Variants in CCDC13 observed in about 807,000 individuals in gnomAD.
CCDC13 encodes coiled-coil domain containing 13, also known as coiled-coil domain-containing protein 13.
Under a neutral mutation model 87.3 loss-of-function variants are expected in CCDC13, and 70 were observed. That is an observed-to-expected ratio of 0.80 (90% CI 0.66 to 0.98). The LOEUF (loss-of-function observed/expected upper bound fraction) is 0.98, where lower values mean the gene tolerates loss of function less well. Ranked by LOEUF, CCDC13 falls within the 50% of genes least tolerant of loss-of-function variation. CCDC13 has a pLI of 0.00. For synonymous variants in CCDC13, 317 were observed against 360.3 expected (o/e 0.88, Z 1.36); for missense variants, 842 against 892.0 (o/e 0.94, Z 0.71).
rs781373359 is a variant in CCDC13, at chr3:42,757,116, T to C, written c.320A>G (p.Glu107Gly). The C allele has an allele frequency of 1.9e-6, 3 of 1,614,118 alleles. No homozygotes were observed. The highest frequency in any genetic ancestry group is 1.3e-5 in the African/African-American group (1 of 74,946). ...TATTTTCTTTTTGAGGTGTTTGATTTCAAAGTCCCTTTCCTTCAGCAGCTT... is the reference window on the plus strand; with the variant it reads ...TATTTTCTTTTTGAGGTGTTTGATTCCAAAGTCCCTTTCCTTCAGCAGCTT... ...LYKLLKERDF[E>G]IKHLKKKIEE... is the part of the protein sequence containing the mutation. The change falls in exon 3 of 16, where the codon GAA becomes GGA. Residue 107 changes from glutamate (E) to glycine (G), a missense_variant. Glu to Gly is a moderately conservative substitution (Grantham distance 98). Transcript: ENST00000310232.
At chr3:42,711,246 C>CAAAACAAAAAA (rs1698304039) in intron 14 of CCDC13, among the ~76,000 whole-genome samples, 1 of 75,324 alleles carries the variant, frequency 1.3e-5, no homozygotes, top group African/African-American at 5.6e-5. Flanking sequence ...ACTCTGTCTC[C>CAAAACAAAAAA]AAAAAAAAAA....
At chr3:42,756,172 T>G (rs1213104295) in intron 3 of CCDC13, among the ~76,000 whole-genome samples, 1 of 152,260 alleles carries the variant, frequency 6.6e-6, no homozygotes, top group Non-Finnish European at 1.5e-5. Context: ...TGGTAGATGC[T>G]GAGTCAGCCC....
chr3:42,764,569 ATGT>A (rs1272683544), intron 1 of CCDC13, among the ~76,000 whole-genome samples: 1 of 152,152 alleles, frequency 6.6e-6, no homozygotes, highest in African/African-American at 2.4e-5. Context: ...CTGCACATAA[ATGT>A]TGTTCTTTCT....
Position 42,739,699 on chromosome 3 carries a change from T to C in CCDC13, c.1099A>G (p.Lys367Glu), listed in dbSNP as rs1428089668. 1 of 1,614,216 alleles carries C rather than the reference T, an allele frequency of 6.2e-7. No homozygotes were observed. The highest frequency in any genetic ancestry group is 1.1e-5 in the South Asian group (1 of 91,086). ...KLLSSEMKTL[K>E]SQMGTLVEKG... Reference sequence around the variant, plus strand: ...TCCACCAGGGTTCCCATCTGACTCTTGAGGGTCTTCATCTCACTTGACAGC... The same window carrying C: ...TCCACCAGGGTTCCCATCTGACTCTCGAGGGTCTTCATCTCACTTGACAGC... The change falls in exon 9 of 16, where the codon AAG becomes GAG. Residue 367 changes from lysine (K) to glutamate (E), a missense_variant. Transcript: ENST00000310232.
chr3:42,715,701 G>A (rs1007831012), intron 13 of CCDC13, among the ~76,000 whole-genome samples: 3 of 152,210 alleles, frequency 2.0e-5, no homozygotes, highest in Non-Finnish European at 4.4e-5. Context: ...TTCTTAAACT[G>A]TATTGGTCAG....
intron 1 of CCDC13, among the ~76,000 whole-genome samples, chr3:42,767,787 A>G (rs1699961706): frequency 6.6e-6 from 1 of 152,000 alleles, no homozygotes; most frequent in African/African-American, 2.4e-5. Flanking sequence ...CCACCCTGGC[A>G]AATGTGGTAA....
chr3:42,757,963 A>G (rs1699739526), intron 2 of CCDC13, among the ~76,000 whole-genome samples, 162 bp downstream of exon 2: 1 of 152,142 alleles, frequency 6.6e-6, no homozygotes, highest in Non-Finnish European at 1.5e-5. Context: ...TGACCACAGA[A>G]GCTGTATCAA....
chr3:42,772,624 C>T (rs1312754074), intron 1 of CCDC13, among the ~76,000 whole-genome samples: 3 of 152,120 alleles, frequency 2.0e-5, no homozygotes, highest in African/African-American at 7.2e-5. Context: ...CCTAGTTTGG[C>T]GCTCTGTGCA....
chr3:42,709,589 C>G (rs1698254607), intron 15 of CCDC13, 95 bp downstream of exon 15: 1 of 1,016,968 alleles, frequency 9.8e-7, no homozygotes, highest in Non-Finnish European at 1.5e-6. Flanking sequence ...GCAAATGAGT[C>G]AAAAGTGCAA....
intron 9 of CCDC13, among the ~76,000 whole-genome samples, chr3:42,737,402 G>C (rs1699063959): frequency 6.6e-6 from 1 of 152,188 alleles, no homozygotes; most frequent in African/African-American, 2.4e-5. Context: ...ATAGTAGCAT[G>C]ATTTATAATC....
downstream of CCDC13, chr3:42,704,510 G>A (rs1177820811): frequency 6.6e-6 from 1 of 152,204 alleles, no homozygotes; most frequent in Non-Finnish European, 1.5e-5. Flanking sequence ...CAAGAGCCTT[G>A]CTCATAAACA....
rs747724613 is a variant in CCDC13, at chr3:42,733,444, A to C, written c.1511+26T>G. ...CCGAATAATTAATGTTCACTTTCCAACCCCTCCCTCCCATTGTTTTCTTAC... is the reference window on the plus strand; with the variant it reads ...CCGAATAATTAATGTTCACTTTCCACCCCCTCCCTCCCATTGTTTTCTTAC... On this transcript the variant is annotated intron_variant, in intron 11 of 15. Transcript: ENST00000310232. 1.5e-5 allele frequency: 25 copies of C among 1,612,978 alleles called. No individual in the cohort carries two copies. In the African/African-American group the frequency reaches 3.2e-4, roughly 21 times the overall value.
chr3:42,730,755 C>A (rs1698808007), intron 12 of CCDC13, among the ~76,000 whole-genome samples, 166 bp from the exon 13 acceptor site: 1 of 152,192 alleles, frequency 6.6e-6, no homozygotes, highest in African/African-American at 2.4e-5. Flanking sequence ...GCTTCTTTGC[C>A]CACCATTCCT....
Position 42,706,022 on chromosome 3 carries a change from C to T in CCDC13, c.*2958G>A, listed in dbSNP as rs145095412. On this transcript the variant is annotated 3_prime_UTR_variant, in exon 16 of 16. Coordinates refer to ENST00000310232, the MANE Select transcript of CCDC13 (RefSeq NM_144719.4). ...GGGGAAGCCCTGTGGTGCTGCAGCC[C>T]GGTCCTGCATCCTTCCCCACCCAGC... 66 of 152,494 alleles carry T rather than the reference C, an allele frequency of 4.3e-4. No individual in the cohort carries two copies. Among genetic ancestry groups the T allele is most frequent in the Non-Finnish European group, 7.3e-4 (50 of 68,206 alleles). 9.4% of individuals were successfully genotyped at this position (152,494 alleles called of 1,614,324 possible).
At chr3:42,771,678 C>G (rs929707305) in intron 1 of CCDC13, among the ~76,000 whole-genome samples, 1 of 151,744 alleles carries the variant, frequency 6.6e-6, no homozygotes, top group African/African-American at 2.4e-5. Context: ...TTGCTTGAGC[C>G]CAGGGGTTGG....
rs914100427 is a variant in CCDC13 at position 42,730,513 on chromosome 3, C to T, written c.1672G>A (p.Val558Met). Residue 558 changes from valine (V) to methionine (M), a missense_variant, in exon 13 of 16, where the codon GTG becomes ATG. Physicochemically the swap from Val to Met is conservative, Grantham distance 21 (BLOSUM62 1). Coordinates refer to ENST00000310232, the MANE Select transcript of CCDC13 (RefSeq NM_144719.4). ...EIKALWQAAE[V>M]ERDRLTEFVT... ...AACTCGGTGAGCCGGTCACGCTCCA[C>T]CTCGGCAGCCTGCCAGAGGGCCTTG... 1.2e-6 allele frequency: 2 copies of T among 1,614,086 alleles called. No individual in the cohort carries two copies. Among genetic ancestry groups the T allele is most frequent in the Middle Eastern group, 1.6e-4 (1 of 6,082 alleles).
At chr3:42,755,152 T>C (rs1699676579) in intron 3 of CCDC13, among the ~76,000 whole-genome samples, 1 of 152,160 alleles carries the variant, frequency 6.6e-6, no homozygotes, top group African/African-American at 2.4e-5. Flanking sequence ...TAGTTCTACG[T>C]AGACTATGAA....
intron 13 of CCDC13, 50 bp downstream of exon 13, chr3:42,730,417 C>A (rs1698796166): frequency 1.3e-6 from 2 of 1,593,500 alleles, no homozygotes; most frequent in African/African-American, 1.3e-5. Flanking sequence ...TGGCCCCAGT[C>A]CCCACCACAT....
rs759511293 is a variant in CCDC13, at chr3:42,707,676, G to A, written c.*1304C>T. On this transcript the variant is annotated 3_prime_UTR_variant, in exon 16 of 16. Coordinates refer to ENST00000310232, the MANE Select transcript of CCDC13 (RefSeq NM_144719.4). ...AACACACAAGTGGCTATGTCTTCAC[G>A]TGTGGGAATGTGTGTCCACATCCAC... Among the ~76,000 whole-genome samples, 2 of 152,250 alleles carry A rather than the reference G, an allele frequency of 1.3e-5. No homozygotes were observed. Among genetic ancestry groups the A allele is most frequent in the Admixed American group, 6.5e-5 (1 of 15,290 alleles).
Sources: allele counts gnomAD v4.1 joint callset (sites outside exome capture counted in the v4.1 genomes callset), GRCh38; gene constraint gnomAD v4.1.1; transcripts MANE v1.5; gene names NCBI Gene and HGNC (gene_info 2026-07-23, HGNC 2026-07-21).